Variants in HS6ST1 observed in about 807,000 individuals in gnomAD.
HS6ST1 encodes the protein heparan-sulfate 6-O-sulfotransferase 1.
HS6ST1 carries 3 observed loss-of-function variants against 25.2 expected under a neutral mutation model. That is an observed-to-expected ratio of 0.12 (90% CI 0.05 to 0.31). The LOEUF (loss-of-function observed/expected upper bound fraction) is 0.31. Among genes scored for constraint, HS6ST1 ranks in the 10% least tolerant of loss-of-function variants. The pLI, the probability that HS6ST1 is intolerant of heterozygous loss-of-function variation, is 1.00. For missense variants in HS6ST1, 310 were observed against 609.6 expected (o/e 0.51, Z 5.18); for synonymous variants, 204 against 275.1 (o/e 0.74, Z 2.56).
intron 1 of HS6ST1, among the ~76,000 whole-genome samples, chr2:128,280,570 A>G (rs1179789840): frequency 3.3e-5 from 5 of 152,226 alleles, no homozygotes; most frequent in Admixed American, 3.3e-4. Context: ...CTGCCTGCAG[A>G]AAAACCCAGA....
intron 1 of HS6ST1, among the ~76,000 whole-genome samples, chr2:128,271,728 T>G (rs1001487132): frequency 6.6e-6 from 1 of 152,076 alleles, no homozygotes; most frequent in Non-Finnish European, 1.5e-5. Flanking sequence ...AAAGCTGGGG[T>G]TGCCACCTGC....
At chr2:128,317,736 G>A (rs1178226456) in intron 1 of HS6ST1, among the ~76,000 whole-genome samples, 1 of 152,232 alleles carries the variant, frequency 6.6e-6, no homozygotes, top group Admixed American at 6.5e-5. Context: ...AAGGTGGCCC[G>A]AGGGCAGCGG....
At chr2:128,282,794 G>A (rs762706201) in intron 1 of HS6ST1, among the ~76,000 whole-genome samples, 6 of 152,190 alleles carry the variant, frequency 3.9e-5, no homozygotes, top group African/African-American at 1.4e-4. Flanking sequence ...TGGGCACTGC[G>A]GAGGAGCAGA....
At chr2:128,292,137 A>G (rs575594117) in intron 1 of HS6ST1, among the ~76,000 whole-genome samples, 12 of 152,260 alleles carry the variant, frequency 7.9e-5, no homozygotes, top group African/African-American at 2.9e-4. Flanking sequence ...GGGCCCAGCA[A>G]GAGTGCCAGG....
intron 1 of HS6ST1, among the ~76,000 whole-genome samples, chr2:128,269,105 T>C (rs191634329): frequency 1.3e-5 from 2 of 152,358 alleles, no homozygotes; most frequent in East Asian, 3.9e-4. Flanking sequence ...GCGCCTGGCC[T>C]GGCTCCTCTG....
chr2:128,305,637 C>T (rs1014142184), intron 1 of HS6ST1, among the ~76,000 whole-genome samples: 8 of 152,258 alleles, frequency 5.3e-5, no homozygotes, highest in South Asian at 4.1e-4. Flanking sequence ...ACCTTCTCCC[C>T]GGCTTAGTGC....
At chr2:128,304,632 T>C (rs1241886787) in intron 1 of HS6ST1, among the ~76,000 whole-genome samples, 2 of 92,012 alleles carry the variant, frequency 2.2e-5, no homozygotes, top group Non-Finnish European at 4.3e-5. Flanking sequence ...ACTGCAGCAA[T>C]GCACACAGCC....
intron 1 of HS6ST1, among the ~76,000 whole-genome samples, chr2:128,282,868 AG>A (rs1693808268): frequency 6.6e-6 from 1 of 152,228 alleles, no homozygotes; most frequent in South Asian, 2.1e-4. Flanking sequence ...GTTGGGCTCC[AG>A]GTGCTGCAGG....
At chr2:128,293,413 A>T (rs749794560) in intron 1 of HS6ST1, among the ~76,000 whole-genome samples, 9 of 152,240 alleles carry the variant, frequency 5.9e-5, no homozygotes, top group Non-Finnish European at 1.0e-4. Flanking sequence ...TCTGAGGAGT[A>T]ACTGTGGCGG....
At chr2:128,278,403 C>T (rs4662787) in intron 1 of HS6ST1, among the ~76,000 whole-genome samples, 33,802 of 152,048 alleles carry the variant, frequency 0.22, 4,375 homozygotes, top group African/African-American at 0.35. Flanking sequence ...CTGGGGCGGG[C>T]GAAGGAGGGG....
Position 128,289,236 on chromosome 2 carries a change from G to A in HS6ST1, c.528-20366C>T, listed in dbSNP as rs898985132. ...CTCCGGGTGATGCACTGAGAAAGCT[G>A]TCACCTGAGCAGTGACCCTGGGGAC... is the stretch of plus-strand genomic sequence containing the variant. On this transcript the variant is annotated intron_variant, in intron 1 of 1. Coordinates refer to ENST00000259241, the MANE Select transcript of HS6ST1 (RefSeq NM_004807.3). Among the ~76,000 whole-genome samples the A allele has an allele frequency of 1.3e-4, 19 of 147,408 alleles. 1 individual carries two copies. The highest frequency in any genetic ancestry group is 1.9e-4 in the East Asian group (1 of 5,192).
chr2:128,316,143 G>C (rs553251360), intron 1 of HS6ST1, among the ~76,000 whole-genome samples: 86 of 152,324 alleles, frequency 5.6e-4, no homozygotes, highest in Non-Finnish European at 9.3e-4. Flanking sequence ...GGCCCCACCT[G>C]GTCCTCCCAC....
intron 1 of HS6ST1, among the ~76,000 whole-genome samples, chr2:128,300,986 A>C: frequency 6.6e-6 from 1 of 152,250 alleles, no homozygotes. Flanking sequence ...TGGGGAGGGC[A>C]AAAGAAAGGA....
At chr2:128,269,344 G>C (rs960612079) in intron 1 of HS6ST1, among the ~76,000 whole-genome samples, 4 of 152,206 alleles carry the variant, frequency 2.6e-5, no homozygotes, top group Admixed American at 1.3e-4. Flanking sequence ...TGGTGGTTGG[G>C]GGGGGGGTGC....
At chr2:128,313,368 C>T (rs889046568) in intron 1 of HS6ST1, among the ~76,000 whole-genome samples, 2 of 152,150 alleles carry the variant, frequency 1.3e-5, no homozygotes, top group East Asian at 1.9e-4. Context: ...ACACTCAGAG[C>T]GGAGCAGCTG....
intron 1 of HS6ST1, among the ~76,000 whole-genome samples, chr2:128,275,624 T>C (rs1286874429): frequency 2.6e-5 from 4 of 152,118 alleles, no homozygotes. Flanking sequence ...GAGGCTCCAC[T>C]GCATCAGTTA....
At chr2:128,282,586 G>A (rs4662788) in intron 1 of HS6ST1, among the ~76,000 whole-genome samples, 21,840 of 152,296 alleles carry the variant, frequency 0.14, 1,774 homozygotes, top group Non-Finnish European at 0.17. Context: ...CAGAGACCCC[G>A]AGGCAGGAGG....
chr2:128,274,433 CA>C (rs1252360093), intron 1 of HS6ST1, among the ~76,000 whole-genome samples: 1 of 152,180 alleles, frequency 6.6e-6, no homozygotes, highest in Non-Finnish European at 1.5e-5. Context: ...GCCAAACTAT[CA>C]ATCAAGTATG....
rs1010103744 is a variant in HS6ST1, at chr2:128,318,832, C to T, written c.-269G>A. ...ACAGCGCTCTCCGCGCCCCCAGCAC[C>T]AGCCCGCTCCGCTCCACTCCGCGCC... On this transcript the variant is annotated 5_prime_UTR_variant, in exon 1 of 2. Transcript: ENST00000259241. This position sits in a 1 kb window ranked among gnomAD's most constrained non-coding sequence, Gnocchi z 5.7. Among the ~76,000 whole-genome samples the T allele has an allele frequency of 2.0e-4, 29 of 147,990 alleles. No homozygotes were observed. The highest frequency in any genetic ancestry group is 3.4e-3 in the Middle Eastern group (1 of 290).
Sources: gnomAD v4.1 joint callset for allele counts (sites outside exome capture counted in the v4.1 genomes callset) on GRCh38, gnomAD v4.1.1 for gene constraint, Gnocchi (gnomAD v3.1) non-coding constraint, MANE v1.5 for transcripts, NCBI Gene and HGNC (gene_info 2026-07-23, HGNC 2026-07-21) for gene names.